Variants in STARD13 observed in about 807,000 individuals in gnomAD.
STARD13 encodes the protein stAR-related lipid transfer protein 13.
In STARD13, 62 loss-of-function variants were observed where a neutral mutation model predicts 106.4. The observed-to-expected ratio is 0.58, with a 90% confidence interval of 0.48 to 0.72. The LOEUF is 0.72. Ranked by LOEUF, STARD13 falls within the 30% of genes least tolerant of loss-of-function variation. The pLI is 0.00. For missense variants in STARD13, 1,387 were observed against 1,424.0 expected (o/e 0.97, Z 0.42); for synonymous variants, 565 against 553.0 (o/e 1.02, Z -0.31).
At chr13:33,387,861 T>G in the STARD13 span, among the ~76,000 whole-genome samples, 1 of 152,196 alleles carries the variant, frequency 6.6e-6, no homozygotes, top group Non-Finnish European at 1.5e-5. Context: ...AACTCCAGAT[T>G]GGCCGCTCCC....
At chr13:33,189,811 G>A (rs1022977170) in intron 1 of STARD13, among the ~76,000 whole-genome samples, 4 of 151,728 alleles carry the variant, frequency 2.6e-5, no homozygotes, top group African/African-American at 4.8e-5. Context: ...ATCCTTGCCC[G>A]GGTGATCCCA....
At chr13:33,167,877 A>G (rs1883511141) in intron 1 of STARD13, among the ~76,000 whole-genome samples, 1 of 152,184 alleles carries the variant, frequency 6.6e-6, no homozygotes, top group South Asian at 2.1e-4. Flanking sequence ...AAAACCACAG[A>G]TCATAGAAGA....
intron 1 of STARD13, among the ~76,000 whole-genome samples, chr13:33,241,678 T>C (rs540509420): frequency 6.6e-6 from 1 of 152,090 alleles, no homozygotes; most frequent in African/African-American, 2.4e-5. Flanking sequence ...ATGCCTGGGA[T>C]TGCAGGCGCG....
At chr13:33,428,695 A>G in the STARD13 span, among the ~76,000 whole-genome samples, 3 of 152,208 alleles carry the variant, frequency 2.0e-5, no homozygotes, top group Non-Finnish European at 4.4e-5. Flanking sequence ...ACAGCAAAGG[A>G]TACAATTAAC....
the STARD13 span, among the ~76,000 whole-genome samples, chr13:33,477,390 G>C: frequency 6.6e-6 from 1 of 152,066 alleles, no homozygotes; most frequent in African/African-American, 2.4e-5. Context: ...ATAGACCTGG[G>C]GCAGGTAGCC....
chr13:33,596,883 C>A, the STARD13 span, among the ~76,000 whole-genome samples: 4,418 of 152,238 alleles, frequency 0.029, 160 homozygotes, highest in African/African-American at 0.078. Context: ...TTTTTTGTGG[C>A]TGAATAGTAT....
the STARD13 span, among the ~76,000 whole-genome samples, chr13:33,437,802 CATAA>C: frequency 1.3e-5 from 2 of 152,168 alleles, no homozygotes; most frequent in African/African-American, 4.8e-5. Context: ...GAGTGCTTTC[CATAA>C]ATATTTATGT....
chr13:33,370,642 A>G, the STARD13 span, among the ~76,000 whole-genome samples: 2 of 132,032 alleles, frequency 1.5e-5, no homozygotes, highest in Non-Finnish European at 3.1e-5. Flanking sequence ...TTTTTGAGAC[A>G]GAGTCTCATT....
At chr13:33,170,950 A>C (rs1883887865) in intron 1 of STARD13, among the ~76,000 whole-genome samples, 4 of 152,196 alleles carry the variant, frequency 2.6e-5, no homozygotes, top group Admixed American at 2.0e-4. Context: ...CATGGCCCCT[A>C]CTAATACCAA....
the STARD13 span, among the ~76,000 whole-genome samples, chr13:33,434,352 C>CAAAAAAAAAAAAAAAAAAAAAAAAAA: frequency 1.4e-5 from 1 of 70,324 alleles, no homozygotes; most frequent in Non-Finnish European, 2.5e-5. Flanking sequence ...GACTCTGTCT[C>CAAAAAAAAAAAAAAAAAAAAAAAAAA]AAAAAAAAAA....
chr13:33,188,688 G>A (rs547951372), intron 1 of STARD13, among the ~76,000 whole-genome samples: 58 of 152,310 alleles, frequency 3.8e-4, no homozygotes, highest in African/African-American at 1.3e-3. Flanking sequence ...GAATAGGTTT[G>A]TTTCACTGTT....
the STARD13 span, among the ~76,000 whole-genome samples, chr13:33,509,307 C>T: frequency 2.0e-5 from 3 of 152,166 alleles, no homozygotes; most frequent in Admixed American, 2.0e-4. Flanking sequence ...GCTCCAGGCA[C>T]TCCAAAATGG....
intron 1 of STARD13, among the ~76,000 whole-genome samples, chr13:33,197,416 T>TTG (rs142681141): frequency 0.048 from 7,173 of 148,040 alleles, 271 homozygotes; most frequent in African/African-American, 0.11. Context: ...AGGAAGAGAG[T>TTG]TGTGTGTGTG....
At chr13:33,477,506 C>T in the STARD13 span, among the ~76,000 whole-genome samples, 1 of 152,314 alleles carries the variant, frequency 6.6e-6, no homozygotes, top group East Asian at 1.9e-4. Context: ...AATTAAAATC[C>T]TAAGCTCCAT....
At chr13:33,645,007 T>C in the STARD13 span, among the ~76,000 whole-genome samples, 1 of 152,140 alleles carries the variant, frequency 6.6e-6, no homozygotes, top group South Asian at 2.1e-4. Context: ...AATACTTTGG[T>C]AGTAGTTCTT....
At chr13:33,394,160 A>G in the STARD13 span, among the ~76,000 whole-genome samples, 1 of 152,132 alleles carries the variant, frequency 6.6e-6, no homozygotes, top group African/African-American at 2.4e-5. Context: ...TTACTCTGTT[A>G]GTCCTTTAAT....
chr13:33,476,432 C>G, the STARD13 span, among the ~76,000 whole-genome samples: 45,455 of 152,040 alleles, frequency 0.3, 7,679 homozygotes, highest in Non-Finnish European at 0.39. Flanking sequence ...TTTTAAATAG[C>G]TAAAAAGAAA....
the STARD13 span, among the ~76,000 whole-genome samples, chr13:33,586,013 A>C: frequency 6.6e-6 from 1 of 152,210 alleles, no homozygotes; most frequent in African/African-American, 2.4e-5. Context: ...CGGTGATGGT[A>C]GTGGATGCAC....
chr13:33,390,815 G>A, the STARD13 span, among the ~76,000 whole-genome samples: 1 of 152,084 alleles, frequency 6.6e-6, no homozygotes, highest in South Asian at 2.1e-4. Flanking sequence ...TGCACACTGG[G>A]CCAGAAGGAG....
Sources: gnomAD v4.1 joint callset for allele counts (sites outside exome capture counted in the v4.1 genomes callset) on GRCh38, gnomAD v4.1.1 for gene constraint, MANE v1.5 for transcripts, NCBI Gene and HGNC (gene_info 2026-07-23, HGNC 2026-07-21) for gene names.